NWD2: variants seen among roughly 807,000 people sequenced by gnomAD.
NWD2 encodes NACHT and WD repeat domain containing 2.
Under a neutral mutation model 132.7 loss-of-function variants are expected in NWD2, and 37 were observed. That is an observed-to-expected ratio of 0.28 (90% CI 0.21 to 0.37). The LOEUF (loss-of-function observed/expected upper bound fraction) is 0.37. Among genes scored for constraint, NWD2 ranks in the 10% least tolerant of loss-of-function variants. NWD2 has a pLI of 1.00. For missense variants in NWD2, 1,592 were observed against 2,122.4 expected, an observed-to-expected ratio of 0.75 and a Z score of 4.91; for synonymous variants, 705 against 803.0, an observed-to-expected ratio of 0.88 and a Z score of 2.06.
intron 3 of NWD2, among the ~76,000 whole-genome samples, chr4:37,369,184 A>C (rs11945161): frequency 0.029 from 4,363 of 152,278 alleles, 197 homozygotes; most frequent in African/African-American, 0.1. Context: ...ATGATCCAAA[A>C]TTTATGAAAG....
intron 3 of NWD2, among the ~76,000 whole-genome samples, chr4:37,382,585 C>T (rs946951237): frequency 3.3e-5 from 5 of 152,126 alleles, no homozygotes; most frequent in Admixed American, 6.5e-5. Flanking sequence ...CCTGTGAGCC[C>T]GGGTTTCTAG....
At chr4:37,402,652 G>A (rs960895895) in intron 3 of NWD2, among the ~76,000 whole-genome samples, 2 of 152,194 alleles carry the variant, frequency 1.3e-5, no homozygotes, top group Non-Finnish European at 2.9e-5. Flanking sequence ...AGGCATTTAT[G>A]TGTGTAAAGT....
At chr4:37,336,090 T>C (rs1203998913) in intron 2 of NWD2, among the ~76,000 whole-genome samples, 3 of 152,094 alleles carry the variant, frequency 2.0e-5, no homozygotes, top group Non-Finnish European at 4.4e-5. Context: ...ATTTTTTTTC[T>C]GCTTATGCTC....
chr4:37,275,528 T>A (rs1717990910), intron 1 of NWD2, among the ~76,000 whole-genome samples: 1 of 152,044 alleles, frequency 6.6e-6, no homozygotes, highest in Admixed American at 6.6e-5. Flanking sequence ...TTCAATGCCA[T>A]CCCCATCAAT....
At chr4:37,344,787 G>A (rs1719599607) in intron 2 of NWD2, among the ~76,000 whole-genome samples, 1 of 152,166 alleles carries the variant, frequency 6.6e-6, no homozygotes, top group Non-Finnish European at 1.5e-5. Context: ...TCACAATTGT[G>A]TAATAGTTAG....
At chr4:37,337,557 G>T (rs1241038299) in intron 2 of NWD2, among the ~76,000 whole-genome samples, 1 of 152,192 alleles carries the variant, frequency 6.6e-6, no homozygotes, top group African/African-American at 2.4e-5. Context: ...GCTTATCCTG[G>T]GCAGAGGTGT....
At chr4:37,355,795 C>T (rs559711191) in intron 2 of NWD2, among the ~76,000 whole-genome samples, 1 of 151,842 alleles carries the variant, frequency 6.6e-6, no homozygotes, top group Admixed American at 6.6e-5. Context: ...TTTTTTTGCC[C>T]GTACATGTTT....
intron 2 of NWD2, among the ~76,000 whole-genome samples, chr4:37,354,507 A>C (rs1719831061): frequency 6.6e-6 from 1 of 152,180 alleles, no homozygotes; most frequent in African/African-American, 2.4e-5. Flanking sequence ...TAAGCCCCTG[A>C]CTGGGCTGCT....
intron 1 of NWD2, among the ~76,000 whole-genome samples, chr4:37,323,257 A>T (rs1372894045): frequency 1.3e-5 from 2 of 152,200 alleles, no homozygotes; most frequent in Non-Finnish European, 2.9e-5. Context: ...AACAGAGTAA[A>T]CAGACAACCT....
At chr4:37,375,778 A>G (rs1479570653) in intron 3 of NWD2, among the ~76,000 whole-genome samples, 2 of 152,112 alleles carry the variant, frequency 1.3e-5, no homozygotes, top group East Asian at 3.9e-4. Context: ...CGTGTTAGCC[A>G]GGATGGTCTC....
chr4:37,343,407 T>A (rs1176384098), intron 2 of NWD2, among the ~76,000 whole-genome samples: 3 of 152,224 alleles, frequency 2.0e-5, no homozygotes, highest in Admixed American at 1.3e-4. Context: ...AAGATTTTAC[T>A]TTCTTGAAAG....
Position 37,433,857 on chromosome 4 carries a change from C to G in NWD2, c.562-19C>G. ...TTTGATGATTGTAAGACTAATTTCT[C>G]CCTTTTACATTTCTATAGATGCAGC... On this transcript the variant is annotated intron_variant, in intron 4 of 6. Transcript: ENST00000309447. 6.6e-7 allele frequency: 1 copy of G among 1,505,846 alleles called. No individual in the cohort carries two copies. 93.3% of individuals were successfully genotyped at this position (1,505,846 alleles called of 1,614,324 possible). A position where few individuals can be genotyped will look rare whatever the true frequency, so the allele number is the denominator to read the frequency against.
intron 1 of NWD2, among the ~76,000 whole-genome samples, chr4:37,248,518 T>C (rs1010901639): frequency 7.9e-5 from 12 of 152,212 alleles, no homozygotes; most frequent in Admixed American, 4.6e-4. Context: ...CCACCCAACA[T>C]AGAAATTCCA....
At chr4:37,287,128 G>A (rs1389695104) in intron 1 of NWD2, among the ~76,000 whole-genome samples, 1 of 152,184 alleles carries the variant, frequency 6.6e-6, no homozygotes, top group Non-Finnish European at 1.5e-5. Flanking sequence ...CCCAGCCAGG[G>A]AAACTGTGCT....
Position 37,445,719 on chromosome 4 carries a change from A to T in NWD2, c.3731A>T (p.Asp1244Val), listed in dbSNP as rs985154229. The stretch of plus-strand genomic sequence containing the variant: ...TCTGCCGTGCTGTCTAAAAATGGAG[A>T]TTGTATCATCGCCACCATGGAAAAT... ...FISAVLSKNG[D>V]CIIATMENTS... Residue 1244 changes from aspartate to valine, a missense_variant, in exon 7 of 7, where the codon GAT becomes GTT. Around this residue, in one of 7 missense-constraint regions of NWD2, gnomAD observed 1,071 missense variants for 1,398.0 expected, o/e 0.77. Coordinates refer to ENST00000309447, the MANE Select transcript of NWD2 (RefSeq NM_001144990.2). The surrounding 1 kb of genome is among the most constrained non-coding windows in gnomAD (Gnocchi z 4.7). 3.2e-6 allele frequency: 5 copies of T among 1,551,800 alleles called. No homozygotes were observed. Among genetic ancestry groups the T allele is most frequent in the Non-Finnish European group, 4.4e-6 (5 of 1,147,022 alleles).
Position 37,448,717 on chromosome 4 carries a change from A to C in NWD2, c.*1500A>C, listed in dbSNP as rs1712708734. ...ATAAACTCATTGTGTATTCCTAGACAGGTCTTTAACTTCATCAGTGTGTTG... is the reference window on the plus strand; with the variant it reads ...ATAAACTCATTGTGTATTCCTAGACCGGTCTTTAACTTCATCAGTGTGTTG... On this transcript the variant is annotated 3_prime_UTR_variant, in exon 7 of 7. Coordinates refer to ENST00000309447, the MANE Select transcript of NWD2 (RefSeq NM_001144990.2). 6.6e-6 allele frequency: 1 copy of C among 152,200 alleles called. No individual in the cohort carries two copies. Among genetic ancestry groups the C allele is most frequent in the African/African-American group, 2.4e-5 (1 of 41,460 alleles). The allele number at this position is 152,200 out of a possible 1,614,324, so 9.4% of individuals were successfully genotyped here. A position where few individuals can be genotyped will look rare whatever the true frequency, so the allele number is the denominator to read the frequency against.
chr4:37,274,823 A>C (rs1717968396), intron 1 of NWD2, among the ~76,000 whole-genome samples: 1 of 152,096 alleles, frequency 6.6e-6, no homozygotes, highest in Admixed American at 6.6e-5. Context: ...AGAACCAAAG[A>C]CAAAAACCAC....
At chr4:37,396,794 A>T (rs1178105730) in intron 3 of NWD2, among the ~76,000 whole-genome samples, 1 of 152,196 alleles carries the variant, frequency 6.6e-6, no homozygotes, top group Non-Finnish European at 1.5e-5. Flanking sequence ...GCACTTTGGA[A>T]GGCCGAGGCG....
chr4:37,310,968 AT>A (rs1227746258), intron 1 of NWD2, among the ~76,000 whole-genome samples: 2 of 151,656 alleles, frequency 1.3e-5, no homozygotes, highest in African/African-American at 4.8e-5. Flanking sequence ...TGAACTCATC[AT>A]TTTTTATGGC....
Sources: gnomAD v4.1 joint callset for allele counts (sites outside exome capture counted in the v4.1 genomes callset) on GRCh38, gnomAD v4.1.1 for gene constraint, gnomAD v4.1.1 regional missense constraint, Gnocchi (gnomAD v3.1) non-coding constraint, MANE v1.5 for transcripts, NCBI Gene and HGNC (gene_info 2026-07-23, HGNC 2026-07-21) for gene names.